Variants in XKR4 observed in about 807,000 individuals in gnomAD.
XKR4 encodes XK-related protein 4.
Under a neutral mutation model 53.9 loss-of-function variants are expected in XKR4, and 12 were observed. The ratio of observed to expected loss-of-function variants is 0.22; its 90% CI spans 0.14 to 0.36. The LOEUF is 0.36. XKR4 is among the 10% of genes least tolerant of loss of function. XKR4 has a pLI of 1.00. For synonymous variants in XKR4, 354 were observed against 362.4 expected (o/e 0.98, Z 0.26); for missense variants, 799 against 859.5 (o/e 0.93, Z 0.88).
At chr8:55,432,163 G>A (rs568380519) in intron 2 of XKR4, among the ~76,000 whole-genome samples, 3 of 152,288 alleles carry the variant, frequency 2.0e-5, no homozygotes, top group African/African-American at 7.2e-5. Flanking sequence ...GTGCTGGGTG[G>A]CTGGGGCAGG....
At chr8:55,179,038 A>G (rs2129359480) in intron 1 of XKR4, among the ~76,000 whole-genome samples, 1 of 152,302 alleles carries the variant, frequency 6.6e-6, no homozygotes, top group East Asian at 1.9e-4. Flanking sequence ...GTGTTCCCAG[A>G]AAAAATTAGA....
rs1807079640 is a variant in XKR4, at chr8:55,540,060, A to G, written c.*15833A>G. The G allele has an allele frequency of 6.6e-6, 1 of 152,238 alleles. No individual in the cohort carries two copies. The highest frequency in any genetic ancestry group is 1.5e-5 in the Non-Finnish European group (1 of 68,044). 9.4% of individuals were successfully genotyped at this position (152,238 alleles called of 1,614,324 possible). A position where few individuals can be genotyped will look rare whatever the true frequency, so the allele number is the denominator to read the frequency against. On this transcript the variant is annotated 3_prime_UTR_variant, in exon 3 of 3. Coordinates refer to ENST00000327381, the MANE Select transcript of XKR4 (RefSeq NM_052898.2). ...ATAAGCTATACATCTCATCACTGGA[A>G]GAAAGGAGACTTCAGCCTCTTTTCA...
At chr8:55,380,077 G>A (rs1333996343) in intron 2 of XKR4, among the ~76,000 whole-genome samples, 1 of 152,158 alleles carries the variant, frequency 6.6e-6, no homozygotes, top group Admixed American at 6.5e-5. Context: ...TAAACACACA[G>A]TCCCGTGGCA....
chr8:55,351,175 T>TTTTA (rs936868690), intron 1 of XKR4, among the ~76,000 whole-genome samples: 1 of 152,206 alleles, frequency 6.6e-6, no homozygotes, highest in African/African-American at 2.4e-5. Flanking sequence ...ATGTTATATA[T>TTTTA]AGTTTACCAA....
intron 2 of XKR4, among the ~76,000 whole-genome samples, chr8:55,375,361 G>A (rs1804131696): frequency 6.6e-6 from 1 of 152,116 alleles, no homozygotes; most frequent in African/African-American, 2.4e-5. Context: ...CTCAGCCTCT[G>A]TCTAAATTTA....
At chr8:55,487,592 G>C (rs994245187) in intron 2 of XKR4, among the ~76,000 whole-genome samples, 1 of 151,630 alleles carries the variant, frequency 6.6e-6, no homozygotes, top group Admixed American at 6.6e-5. Flanking sequence ...TCAGCTTCCC[G>C]AGTAAGTGGG....
intron 1 of XKR4, among the ~76,000 whole-genome samples, chr8:55,268,777 T>C (rs1818647661): frequency 6.6e-6 from 1 of 152,190 alleles, no homozygotes; most frequent in Non-Finnish European, 1.5e-5. Context: ...TCTATTCCTA[T>C]TTTATTAGAT....
At chr8:55,246,636 AT>A (rs1818288843) in intron 1 of XKR4, among the ~76,000 whole-genome samples, 5 of 151,900 alleles carry the variant, frequency 3.3e-5, no homozygotes, top group Non-Finnish European at 7.4e-5. Context: ...GATAAAGCAG[AT>A]TTCTCCAAAA....
chr8:55,130,095 A>G (rs547275669), intron 1 of XKR4, among the ~76,000 whole-genome samples: 3 of 152,340 alleles, frequency 2.0e-5, no homozygotes, highest in African/African-American at 7.2e-5. Context: ...CTGACTAGAG[A>G]AACTTTTCAG....
chr8:55,424,869 G>A (rs550210854), intron 2 of XKR4, among the ~76,000 whole-genome samples: 1 of 152,234 alleles, frequency 6.6e-6, no homozygotes, highest in South Asian at 2.1e-4. Flanking sequence ...ACAAAGCAGT[G>A]GACCACAGAC....
chr8:55,286,265 G>A (rs1174483285), intron 1 of XKR4, among the ~76,000 whole-genome samples: 1 of 152,220 alleles, frequency 6.6e-6, no homozygotes, highest in Non-Finnish European at 1.5e-5. Flanking sequence ...AGAAGATGGT[G>A]AGATGGGAGT....
chr8:55,343,518 C>A (rs1563328735), intron 1 of XKR4, among the ~76,000 whole-genome samples: 2 of 152,128 alleles, frequency 1.3e-5, no homozygotes, highest in African/African-American at 4.8e-5. Flanking sequence ...AAATTAGCTG[C>A]CCACATGAAA....
At chr8:55,144,068 G>A (rs1304203750) in intron 1 of XKR4, among the ~76,000 whole-genome samples, 2 of 152,078 alleles carry the variant, frequency 1.3e-5, no homozygotes, top group Non-Finnish European at 2.9e-5. Flanking sequence ...CTTTTGGCTA[G>A]GTTCCTCATT....
chr8:55,224,319 A>T (rs1817923957), intron 1 of XKR4, among the ~76,000 whole-genome samples: 1 of 152,210 alleles, frequency 6.6e-6, no homozygotes, highest in South Asian at 2.1e-4. Context: ...ATTGTCAAAC[A>T]ATATAGATAA....
chr8:55,148,995 A>G (rs141501493), intron 1 of XKR4, among the ~76,000 whole-genome samples: 3 of 152,356 alleles, frequency 2.0e-5, no homozygotes, highest in Non-Finnish European at 4.4e-5. Flanking sequence ...CCCATGTCTT[A>G]ATTAGATGAC....
chr8:55,206,020 G>A lies in XKR4; in HGVS notation c.806+102726G>A, dbSNP rs532995277. Among the ~76,000 whole-genome samples, 60 of 152,262 alleles carry A rather than the reference G, an allele frequency of 3.9e-4. No homozygotes were observed. In the East Asian group the frequency reaches 9.5e-3, roughly 24 times the overall value. ...GTGTTACAGCTCTTAAAGGTGGCGC[G>A]TCTGGAGTTGTTTGTTCCTACCGGT... On this transcript the variant is annotated intron_variant, in intron 1 of 2. Coordinates refer to ENST00000327381, the MANE Select transcript of XKR4 (RefSeq NM_052898.2).
chr8:55,290,762 AT>A (rs1819007527), intron 1 of XKR4, among the ~76,000 whole-genome samples: 1 of 152,126 alleles, frequency 6.6e-6, no homozygotes, highest in South Asian at 2.1e-4. Context: ...GAGTAAGAAA[AT>A]TTATATATTC....
intron 2 of XKR4, among the ~76,000 whole-genome samples, chr8:55,510,375 G>T (rs558093212): frequency 2.2e-4 from 33 of 152,328 alleles, no homozygotes; most frequent in Admixed American, 1.9e-3. Context: ...CATTTATCTT[G>T]TGGGGACATA....
Position 55,524,038 on chromosome 8 carries a change from A to G in XKR4, c.1764A>G (p.Pro588=), listed in dbSNP as rs1806845154. The G allele has an allele frequency of 1.9e-6, 3 of 1,613,998 alleles. No individual in the cohort carries two copies. The highest frequency in any genetic ancestry group is 1.3e-5 in the African/African-American group (1 of 74,892). Residue 588 remains proline (P), a synonymous_variant, in exon 3 of 3, where the codon CCA becomes CCG. Transcript: ENST00000327381. The part of the protein sequence containing the change: ...TAPSTPSSRP[P]RIEESVIKID... ...CATCCACCCCATCATCTCGCCCACC[A>G]CGGATTGAAGAATCAGTCATTAAAA...
Sources: gnomAD v4.1 joint callset for allele counts (sites outside exome capture counted in the v4.1 genomes callset) on GRCh38, gnomAD v4.1.1 for gene constraint, MANE v1.5 for transcripts, NCBI Gene and HGNC (gene_info 2026-07-23, HGNC 2026-07-21) for gene names.